Variants in PKD2 observed in about 807,000 individuals in gnomAD.
The protein encoded by PKD2 is polycystin 2, transient receptor potential cation channel.
A neutral mutation model predicts 105.9 loss-of-function variants in PKD2; 48 were observed. The ratio of observed to expected loss-of-function variants is 0.45; its 90% CI spans 0.36 to 0.58. PKD2 has a LOEUF of 0.58. PKD2 is among the 20% of genes least tolerant of loss of function. PKD2 has a pLI of 0.00. For missense variants in PKD2, 1,078 were observed against 1,255.3 expected (o/e 0.86, Z 2.13); for synonymous variants, 464 against 481.1 (o/e 0.96, Z 0.46).
At chr4:88,040,953 C>G (rs1444785931) in intron 4 of PKD2, among the ~76,000 whole-genome samples, 1 of 152,136 alleles carries the variant, frequency 6.6e-6, no homozygotes, top group Non-Finnish European at 1.5e-5. Context: ...AGAAGTCCCC[C>G]CTCTTCTAGT....
chr4:88,039,830 C>T (rs1727490617), intron 4 of PKD2, among the ~76,000 whole-genome samples: 1 of 152,044 alleles, frequency 6.6e-6, no homozygotes, highest in Non-Finnish European at 1.5e-5. Context: ...TGGCCTCAAA[C>T]TCCTGGGCTC....
intron 3 of PKD2, 112 bp downstream of exon 3, chr4:88,036,465 T>C (rs1406098723): frequency 1.5e-5 from 24 of 1,552,698 alleles, no homozygotes; most frequent in Non-Finnish European, 1.9e-5. Context: ...TAACACTGTG[T>C]GAGACGTAAG....
intron 7 of PKD2, among the ~76,000 whole-genome samples, 190 bp downstream of exon 7, chr4:88,052,348 A>AG (rs1300602384): frequency 1.3e-5 from 2 of 152,172 alleles, no homozygotes; most frequent in Non-Finnish European, 2.9e-5. Flanking sequence ...AGCTCATTGC[A>AG]GCCTCGACTT....
chr4:88,009,747 G>A (rs1482407158), intron 1 of PKD2, among the ~76,000 whole-genome samples: 1 of 152,080 alleles, frequency 6.6e-6, no homozygotes, highest in African/African-American at 2.4e-5. Context: ...CACTTTTTAA[G>A]ATTCAAAACT....
rs917695405 is a variant in PKD2, at chr4:88,067,934, C to T, written c.2395C>T (p.Pro799Ser). The T allele has an allele frequency of 6.2e-7, 1 of 1,613,894 alleles. No individual in the cohort carries two copies. The highest frequency in any genetic ancestry group is 8.5e-7 in the Non-Finnish European group (1 of 1,179,954). Reference sequence around the variant, plus strand: ...TTTGGATCACAGTTCTTTACCACGTCCCATGAGCAGCCGAAGTTTCCCTCG... The same window carrying T: ...TTTGGATCACAGTTCTTTACCACGTTCCATGAGCAGCCGAAGTTTCCCTCG... ...LDLDHSSLPR[P>S]MSSRSFPRSL... Residue 799 changes from proline (P) to serine (S), a missense_variant, in exon 13 of 15, where the codon CCC becomes TCC. By Grantham distance (74) the Pro-to-Ser change is moderately conservative. Transcript: ENST00000237596.
chr4:88,044,799 C>T (rs1000682448), intron 5 of PKD2, among the ~76,000 whole-genome samples: 8 of 151,954 alleles, frequency 5.3e-5, no homozygotes, highest in Non-Finnish European at 7.4e-5. Context: ...GCGTTCATGG[C>T]GGTGCTCAGA....
chr4:88,070,803 T>TAA (rs140963903), intron 13 of PKD2, among the ~76,000 whole-genome samples: 3 of 150,710 alleles, frequency 2.0e-5, no homozygotes, highest in African/African-American at 7.3e-5. Flanking sequence ...GGCTAATTTT[T>TAA]AAAAAAAAAT....
intron 10 of PKD2, among the ~76,000 whole-genome samples, chr4:88,065,101 T>A (rs1199246502): frequency 6.6e-6 from 1 of 152,214 alleles, no homozygotes; most frequent in Non-Finnish European, 1.5e-5. Context: ...TATAGTAATT[T>A]TTGTTTCTAT....
At chr4:88,050,902 G>C (rs1381657329) in intron 6 of PKD2, among the ~76,000 whole-genome samples, 2 of 152,138 alleles carry the variant, frequency 1.3e-5, no homozygotes, top group African/African-American at 4.8e-5. Flanking sequence ...AGAATCAGTG[G>C]GACCATGATC....
intron 12 of PKD2, among the ~76,000 whole-genome samples, 175 bp downstream of exon 12, chr4:88,066,054 C>T (rs989372358): frequency 6.6e-6 from 1 of 152,060 alleles, no homozygotes; most frequent in African/African-American, 2.4e-5. Context: ...GAATATATAA[C>T]ACAATTATGT....
intron 1 of PKD2, among the ~76,000 whole-genome samples, chr4:88,013,934 G>A (rs1486091332): frequency 6.6e-6 from 1 of 152,124 alleles, no homozygotes; most frequent in Non-Finnish European, 1.5e-5. Context: ...AAGCCTAGGG[G>A]GCTGATATGA....
At chr4:88,028,017 A>G (rs1403063995) in intron 2 of PKD2, among the ~76,000 whole-genome samples, 1 of 152,212 alleles carries the variant, frequency 6.6e-6, no homozygotes, top group Non-Finnish European at 1.5e-5. Flanking sequence ...CTACTACAGA[A>G]AGTGTGTAAC....
chr4:88,059,929 G>C (rs1186776399), intron 9 of PKD2, among the ~76,000 whole-genome samples: 1 of 152,168 alleles, frequency 6.6e-6, no homozygotes, highest in Admixed American at 6.5e-5. Context: ...ACAGTGTTAA[G>C]AAGTGGCTCA....
At chr4:88,060,711 G>T (rs767991597) in intron 9 of PKD2, among the ~76,000 whole-genome samples, 1 of 152,060 alleles carries the variant, frequency 6.6e-6, no homozygotes, top group African/African-American at 2.4e-5. Context: ...ACAGTGCTTC[G>T]AGAAAGTTTG....
chr4:88,068,728 A>C (rs2110142278), intron 13 of PKD2, among the ~76,000 whole-genome samples: 1 of 152,280 alleles, frequency 6.6e-6, no homozygotes, highest in Middle Eastern at 3.4e-3. Flanking sequence ...CTGCTGTTCA[A>C]GTGTTCTGTA....
chr4:88,010,453 A>C (rs1726347760), intron 1 of PKD2, among the ~76,000 whole-genome samples: 1 of 152,212 alleles, frequency 6.6e-6, no homozygotes, highest in South Asian at 2.1e-4. Flanking sequence ...ATGGACAAAA[A>C]CCCAGAAATG....
intron 2 of PKD2, among the ~76,000 whole-genome samples, chr4:88,022,051 CA>C (rs1230236476): frequency 3.9e-5 from 6 of 152,198 alleles, no homozygotes; most frequent in African/African-American, 1.4e-4. Context: ...GTGGCTTGTG[CA>C]ACCTACCATG....
Position 88,038,332 on chromosome 4 carries a change from A to T in PKD2, c.925A>T (p.Ile309Phe), listed in dbSNP as rs1727417591. The T allele has an allele frequency of 6.2e-7, 1 of 1,613,940 alleles. No homozygotes were observed. The highest frequency in any genetic ancestry group is 8.5e-7 in the Non-Finnish European group (1 of 1,179,924). ...GACTGAAGCTGACAACCGAAGTTTC[A>T]TCTTCTATGAGAACCTGCTGTTAGG... ...NQTEADNRSF[I>F]FYENLLLGVP... The change falls in exon 4 of 15, where the codon ATC becomes TTC. Residue 309 changes from isoleucine (I) to phenylalanine (F), a missense_variant. Ile to Phe is a conservative substitution (Grantham distance 21). This residue lies in a region of PKD2 where 868 missense variants were observed against 1,067.3 expected (regional missense o/e 0.81). Transcript: ENST00000237596.
At chr4:88,041,990 A>G (rs895250479) in intron 4 of PKD2, among the ~76,000 whole-genome samples, 1 of 152,166 alleles carries the variant, frequency 6.6e-6, no homozygotes, top group Non-Finnish European at 1.5e-5. Flanking sequence ...TTCCCTTCAC[A>G]GACTCCTTCA....
Sources: allele counts gnomAD v4.1 joint callset (sites outside exome capture counted in the v4.1 genomes callset), GRCh38; gene constraint gnomAD v4.1.1; regional missense constraint gnomAD v4.1.1; transcripts MANE v1.5; gene names NCBI Gene and HGNC (gene_info 2026-07-23, HGNC 2026-07-21).